The following TGFBR2 variants were observed in gnomAD, a reference collection of about 807,000 sequenced individuals.
TGFBR2 encodes the protein transforming growth factor beta receptor 2, also known as TGF-beta receptor type-2.
Under a neutral mutation model 49.0 loss-of-function variants are expected in TGFBR2, and 18 were observed. The observed-to-expected ratio is 0.37, with a 90% CI of 0.25 to 0.54. The LOEUF (loss-of-function observed/expected upper bound fraction) is 0.54, where lower values mean the gene tolerates loss of function less well. Ranked by LOEUF, TGFBR2 falls within the 20% of genes least tolerant of loss-of-function variation. The pLI, the probability that TGFBR2 is intolerant of heterozygous loss-of-function variation, is 0.85. For synonymous variants in TGFBR2, 282 were observed against 275.9 expected (o/e 1.02, Z -0.22); for missense variants, 525 against 722.6 (o/e 0.73, Z 3.13).
intron 1 of TGFBR2, among the ~76,000 whole-genome samples, chr3:30,624,048 C>A (rs6804281): frequency 0.46 from 70,120 of 151,752 alleles, 16,250 homozygotes; most frequent in Middle Eastern, 0.54. Context: ...GAGGCTGAGG[C>A]AGGAGAATCG....
In TGFBR2 at chr3:30,634,917, G is replaced by A. The variant is rs563877609; in HGVS notation, c.95-9830G>A. ...CTAATATACCATTTGCATTTATATG[G>A]CTTAACTTTTTTAACTGGCTTCCTG... is the stretch of plus-strand genomic sequence containing the variant. On this transcript the variant is annotated intron_variant, in intron 1 of 6. Transcript: ENST00000295754. Among the ~76,000 whole-genome samples the A allele has an allele frequency of 4.6e-4, 70 of 152,202 alleles. 1 individual carries two copies. The highest frequency in any genetic ancestry group is 4.5e-3 in the Admixed American group (69 of 15,292).
chr3:30,614,115 CT>C (rs5847643), intron 1 of TGFBR2, among the ~76,000 whole-genome samples: 2,114 of 120,608 alleles, frequency 0.018, 44 homozygotes, highest in African/African-American at 0.061. Flanking sequence ...TTTTTCTTTC[CT>C]TTTTTTTTTT....
intron 1 of TGFBR2, among the ~76,000 whole-genome samples, chr3:30,614,115 CTTTTTTTTT>C: frequency 8.3e-6 from 1 of 120,620 alleles, no homozygotes; most frequent in East Asian, 2.4e-4. Context: ...TTTTTCTTTC[CTTTTTTTTT>C]TTTTTTTTTT....
intron 3 of TGFBR2, among the ~76,000 whole-genome samples, chr3:30,655,675 A>G (rs1433003213): frequency 2.0e-5 from 3 of 152,314 alleles, no homozygotes; most frequent in East Asian, 3.9e-4. Flanking sequence ...TTGGGCCACA[A>G]GGCCTTCTCT....
chr3:30,671,026 C>T (rs576550143), intron 3 of TGFBR2, among the ~76,000 whole-genome samples: 49 of 152,348 alleles, frequency 3.2e-4, no homozygotes, highest in African/African-American at 3.4e-4. Flanking sequence ...AACTGTGGCA[C>T]GCTCTGTGTT....
chr3:30,647,769 C>T (rs142482238), intron 2 of TGFBR2, among the ~76,000 whole-genome samples: 168 of 152,160 alleles, frequency 1.1e-3, no homozygotes, highest in African/African-American at 3.7e-3. Flanking sequence ...CTCTGCCTCC[C>T]GGGTTCGTGC....
chr3:30,668,176 A>G (rs1478734010), intron 3 of TGFBR2, among the ~76,000 whole-genome samples: 2 of 152,212 alleles, frequency 1.3e-5, no homozygotes, highest in African/African-American at 4.8e-5. Flanking sequence ...CCACGTAAGT[A>G]ATCATTCAGC....
chr3:30,659,413 TG>T (rs1268438319), intron 3 of TGFBR2, among the ~76,000 whole-genome samples: 1 of 152,160 alleles, frequency 6.6e-6, no homozygotes, highest in East Asian at 1.9e-4. Context: ...TTCATCAATA[TG>T]GCCCTATGTC....
At position 30,675,705 on chromosome 3, in the gene TGFBR2, T is replaced by C. The variant is rs533321249; in HGVS notation, c.1396+1459T>C. ...CAGCCTCCATTCCATGTTTAACTTT[T>C]TGTTTTGTGATAATTTTAGACTTAG... On this transcript the variant is annotated intron_variant, in intron 5 of 6. Transcript: ENST00000295754. 8.5e-5 allele frequency among the ~76,000 whole-genome samples: 13 copies of C among 152,300 alleles called. No homozygotes were observed. In the East Asian group the frequency reaches 2.5e-3, roughly 29 times the overall value.
At position 30,648,419 on chromosome 3, in the gene TGFBR2, T is replaced by TACACACACACACAC. The variant is rs35473576; in HGVS notation, c.264-1821_264-1808dup. 5.8e-3 allele frequency among the ~76,000 whole-genome samples: 667 copies of TACACACACACACAC among 115,568 alleles called. 11 individuals are homozygous for TACACACACACACAC. The highest frequency in any genetic ancestry group is 0.016 in the African/African-American group (533 of 32,374). The allele number at this position is 115,568 out of a possible 152,430, so 75.8% of individuals were successfully genotyped here. A position where few individuals can be genotyped will look rare whatever the true frequency, so the allele number is the denominator to read the frequency against. On this transcript the variant is annotated intron_variant, in intron 2 of 6. Transcript: ENST00000295754. ...TTTATTACCCAAACCAAAAACAACC[T>TACACACACACACAC]ACACACACACACACACACACACACA...
chr3:30,687,214 C>T (rs543677749), intron 5 of TGFBR2, among the ~76,000 whole-genome samples: 1 of 152,278 alleles, frequency 6.6e-6, no homozygotes, highest in South Asian at 2.1e-4. Flanking sequence ...GGGTTACCTC[C>T]TCCTTTATCA....
chr3:30,678,232 A>G (rs1053876336), intron 5 of TGFBR2, among the ~76,000 whole-genome samples: 60 of 152,134 alleles, frequency 3.9e-4, no homozygotes, highest in African/African-American at 1.3e-3. Context: ...GCTACCAAGC[A>G]CCTGCAGAGA....
At chr3:30,625,159 T>C (rs927322716) in intron 1 of TGFBR2, among the ~76,000 whole-genome samples, 2 of 152,222 alleles carry the variant, frequency 1.3e-5, no homozygotes, top group Admixed American at 1.3e-4. Flanking sequence ...GACTCAAATT[T>C]TGAACATATT....
At chr3:30,625,985 C>T (rs918923194) in intron 1 of TGFBR2, among the ~76,000 whole-genome samples, 4 of 152,154 alleles carry the variant, frequency 2.6e-5, no homozygotes, top group African/African-American at 4.8e-5. Flanking sequence ...CCTGGCTGCA[C>T]GTTAGGATCA....
At chr3:30,616,664 G>A (rs773956193) in intron 1 of TGFBR2, among the ~76,000 whole-genome samples, 15 of 152,058 alleles carry the variant, frequency 9.9e-5, no homozygotes, top group Admixed American at 2.6e-4. Context: ...ATAAATCATT[G>A]AAGTTGAGTT....
At chr3:30,661,985 A>G (rs1363649422) in intron 3 of TGFBR2, among the ~76,000 whole-genome samples, 1 of 152,140 alleles carries the variant, frequency 6.6e-6, no homozygotes, top group Non-Finnish European at 1.5e-5. Context: ...TTGAAAAGTA[A>G]CCGAGGAAAA....
chr3:30,613,050 C>T (rs1032214610), intron 1 of TGFBR2, among the ~76,000 whole-genome samples: 22 of 150,878 alleles, frequency 1.5e-4, no homozygotes, highest in Non-Finnish European at 7.4e-5. Flanking sequence ...TTGAAGCTAT[C>T]ATTATTAGAT....
At chr3:30,612,121 C>T (rs546548544) in intron 1 of TGFBR2, among the ~76,000 whole-genome samples, 1 of 152,226 alleles carries the variant, frequency 6.6e-6, no homozygotes, top group South Asian at 2.1e-4. Flanking sequence ...GAATGCTGGA[C>T]AGGCAAATTG....
intron 1 of TGFBR2, among the ~76,000 whole-genome samples, chr3:30,637,628 C>CTCT (rs1486210063): frequency 1.3e-5 from 2 of 152,220 alleles, no homozygotes. Flanking sequence ...ATACATTGGT[C>CTCT]TCTACCTTGC....
Sources: gnomAD v4.1 joint callset for allele counts (sites outside exome capture counted in the v4.1 genomes callset) on GRCh38, gnomAD v4.1.1 for gene constraint, MANE v1.5 for transcripts, NCBI Gene and HGNC (gene_info 2026-07-23, HGNC 2026-07-21) for gene names.